Variants in TTN observed in about 807,000 individuals in gnomAD.
TTN encodes titin, also known as connectin.
In TTN, 1,525 loss-of-function variants were observed where a neutral mutation model predicts 3,223.0. The ratio of observed to expected loss-of-function variants is 0.47; its 90% confidence interval spans 0.45 to 0.49. TTN has a LOEUF of 0.49. TTN is among the 20% of genes least tolerant of loss of function. TTN has a pLI of 0.00. For synonymous variants in TTN, 14,094 were observed against 15,161.0 expected (o/e 0.93, Z 5.17); for missense variants, 40,786 against 43,424.0 (o/e 0.94, Z 5.40).
chr2:178,776,307 G>A lies in TTN; in HGVS notation c.5557C>T (p.Leu1853Phe), dbSNP rs778377360. The A allele has an allele frequency of 1.2e-6, 2 of 1,614,036 alleles. No homozygotes were observed. Among genetic ancestry groups the A allele is most frequent in the Non-Finnish European group, 8.5e-7 (1 of 1,179,990 alleles). The stretch of plus-strand genomic sequence containing the variant: ...CGGAACCTTGCAGTCTCCCCTTCAA[G>A]TACTCTAACTGGCTCTGGGTACAAG... ...IVLYPEPVRVLEGETARFRCR... is the reference protein window; with the variant it reads ...IVLYPEPVRVFEGETARFRCR... The change falls in exon 28 of 363, where the codon CTT becomes TTT. Residue 1853 changes from leucine to phenylalanine, a missense_variant. Leu to Phe is a conservative substitution (Grantham distance 22, BLOSUM62 0). Transcript: ENST00000589042.
intron 149 of TTN, chr2:178,675,396 A>T: frequency 2.6e-6 from 1 of 386,420 alleles, no homozygotes; most frequent in Non-Finnish European, 4.5e-6. Context: ...GTATGAAGAA[A>T]TGGGTATTTC....
At position 178,588,630 on chromosome 2, in the gene TTN, T is replaced by C. The variant is rs767798579; in HGVS notation, c.63095A>G (p.His21032Arg). 4 of 1,599,210 alleles carry C rather than the reference T, an allele frequency of 2.5e-6. No individual in the cohort carries two copies. Among genetic ancestry groups the C allele is most frequent in the East Asian group, 2.2e-5 (1 of 44,710 alleles). Residue 21032 changes from histidine (H) to arginine (R), a missense_variant, in exon 304 of 363, where the codon CAT becomes CGT. Physicochemically the swap from His to Arg is conservative, Grantham distance 29 (BLOSUM62 0). Transcript: ENST00000589042. ...RMKVQNLLPD[H>R]EYQFRVKAEN... Reference sequence around the variant, plus strand: ...TGCCTTGACACGGAACTGATATTCATGGTCTGGGAGGAGATTCTGTACTTT... The same window carrying C: ...TGCCTTGACACGGAACTGATATTCACGGTCTGGGAGGAGATTCTGTACTTT...
rs372954191 is a variant in TTN, at chr2:178,574,393, G to A, written c.71739C>T (p.Ser23913=). The change falls in exon 326 of 363, where the codon AGC becomes AGT. Residue 23913 remains serine (S), a synonymous_variant. Coordinates refer to ENST00000589042, the MANE Select transcript of TTN (RefSeq NM_001267550.2). Reference sequence around the variant, plus strand: ...GAGCCAACATAGGTTCTGATGGCTTGCTTGGCTTACTTTTGCCTGCCATGT... The same window carrying A: ...GAGCCAACATAGGTTCTGATGGCTTACTTGGCTTACTTTTGCCTGCCATGT... The part of the protein sequence containing the change: ...AENMAGKSKP[S]KPSEPMLALD... 4 of 1,613,426 alleles carry A rather than the reference G, an allele frequency of 2.5e-6. No homozygotes were observed. The African/African-American group carries it at 4.0e-5, about 16-fold the overall frequency.
chr2:178,709,428 G>A (rs1417634252), intron 99 of TTN, 138 bp downstream of exon 99: 2 of 841,820 alleles, frequency 2.4e-6, no homozygotes, highest in South Asian at 3.1e-5. Flanking sequence ...AACATATGGA[G>A]TGATAAATAC....
intron 147 of TTN, 88 bp from the exon 148 acceptor site, chr2:178,676,083 G>A (rs2068027408): frequency 3.3e-6 from 4 of 1,227,014 alleles, no homozygotes; most frequent in Non-Finnish European, 4.6e-6. Context: ...AAAGACCAAT[G>A]TGTTAACAGT....
chr2:178,607,442 C>T lies in TTN; in HGVS notation c.53246G>A (p.Ser17749Asn), dbSNP rs1553686153. Residue 17749 changes from serine to asparagine, a missense_variant, in exon 277 of 363, where the codon AGC (serine) becomes AAC (asparagine). Coordinates refer to ENST00000589042, the MANE Select transcript of TTN (RefSeq NM_001267550.2). ...HGRYVITATN[S>N]CGSKFAAARV... ...GGCTGCTGCAAATTTGGAACCACAGCTATTTGTAGCTGTAATCACATATCT... is the reference window on the plus strand; with the variant it reads ...GGCTGCTGCAAATTTGGAACCACAGTTATTTGTAGCTGTAATCACATATCT... 6.2e-7 allele frequency: 1 copy of T among 1,613,188 alleles called. No homozygotes were observed. Among genetic ancestry groups the T allele is most frequent in the South Asian group, 1.1e-5 (1 of 91,064 alleles).
chr2:178,760,258 G>A (rs528279773), intron 43 of TTN, among the ~76,000 whole-genome samples: 10 of 152,280 alleles, frequency 6.6e-5, no homozygotes, highest in East Asian at 5.8e-4. Flanking sequence ...CTGGCCAGGC[G>A]CGGTGCTTCA....
chr2:178,781,099 T>C (rs776570763), intron 21 of TTN, 22 bp downstream of exon 21: 1 of 1,613,768 alleles, frequency 6.2e-7, no homozygotes, highest in African/African-American at 1.3e-5. Context: ...ATCATGCACA[T>C]AGAAACTGGA....
In TTN at chr2:178,558,601, C is replaced by T. The variant is rs1183912804; in HGVS notation, c.86858G>A (p.Ser28953Asn). The T allele has an allele frequency of 1.2e-6, 2 of 1,612,720 alleles. No homozygotes were observed. The highest frequency in any genetic ancestry group is 1.7e-6 in the Non-Finnish European group (2 of 1,179,588). Reference protein sequence around the residue: ...PSPPEKLGVTSISKDSVSLTW... With the variant: ...PSPPEKLGVTNISKDSVSLTW... ...CAGGGAAACACTGTCTTTGGATATA[C>T]TTGTTACTCCAAGTTTTTCAGGTGG... Residue 28953 changes from serine to asparagine, a missense_variant, in exon 327 of 363, where the codon AGT becomes AAT. By Grantham distance (46) the Ser-to-Asn change is conservative (BLOSUM62 1). Transcript: ENST00000589042.
chr2:178,637,564 A>T (rs1336113731), intron 223 of TTN, 145 bp from the exon 224 acceptor site: 1 of 408,106 alleles, frequency 2.5e-6, no homozygotes, highest in Non-Finnish European at 4.2e-6. Flanking sequence ...TTCTATGGAT[A>T]ATCACATTTC....
chr2:178,663,718 G>T lies in TTN; in HGVS notation c.36449-8C>A, dbSNP rs189133766. The T allele has an allele frequency of 6.8e-6, 11 of 1,612,826 alleles. No individual in the cohort carries two copies. Among genetic ancestry groups the T allele is most frequent in the Admixed American group, 5.0e-5 (3 of 59,752 alleles). ...CTTTGGGAGGCTCTGGTACTTAAAA[G>T]ATATTAGCAAAATTACATTCAGAAG... is the stretch of plus-strand genomic sequence containing the variant. On this transcript the variant is annotated splice_polypyrimidine_tract_variant and splice_region_variant and intron_variant, in intron 170 of 362. Transcript: ENST00000589042.
intron 92 of TTN, 104 bp from the exon 93 acceptor site, chr2:178,713,476 C>G: frequency 7.0e-7 from 1 of 1,425,294 alleles, no homozygotes. Context: ...TGGACTATCC[C>G]TAGATCCATT....
In TTN at chr2:178,764,718, G is replaced by A; in HGVS notation, c.9797C>T (p.Pro3266Leu). 6.2e-7 allele frequency: 1 copy of A among 1,614,086 alleles called. No individual in the cohort carries two copies. Among genetic ancestry groups the A allele is most frequent in the Non-Finnish European group, 8.5e-7 (1 of 1,179,986 alleles). ...ARFCAVISGRPQPKISWYKEE... is the reference protein window; with the variant it reads ...ARFCAVISGRLQPKISWYKEE... The stretch of plus-strand genomic sequence containing the variant: ...CTTGTACCAGGAAATTTTGGGCTGT[G>A]GTCTTCCGGATATCACGGCACAGAA... Residue 3266 changes from proline to leucine, a missense_variant, in exon 42 of 363, where the codon CCA (proline) becomes CTA (leucine). Physicochemically the swap from Pro to Leu is moderately conservative, Grantham distance 98. Coordinates refer to ENST00000589042, the MANE Select transcript of TTN (RefSeq NM_001267550.2).
intron 16 of TTN, 99 bp downstream of exon 16, chr2:178,783,971 G>C: frequency 6.3e-7 from 1 of 1,590,226 alleles, no homozygotes; most frequent in Non-Finnish European, 8.6e-7. Flanking sequence ...AAAGGAGAAA[G>C]GCAAGACTCC....
Position 178,632,571 on chromosome 2 carries a change from A to T in TTN, c.43435T>A (p.Phe14479Ile), listed in dbSNP as rs1184251114. Reference protein sequence around the residue: ...AAFEDEAKYMFEAEDKHTSGK... With the variant: ...AAFEDEAKYMIEAEDKHTSGK... ...CTTGTGTGCTTATCTTCAGCTTCAAACATGTATTTTGCTTCATCTTCAAAA... is the reference window on the plus strand; with the variant it reads ...CTTGTGTGCTTATCTTCAGCTTCAATCATGTATTTTGCTTCATCTTCAAAA... The change falls in exon 235 of 363, where the codon TTT becomes ATT. Residue 14479 changes from phenylalanine to isoleucine, a missense_variant. Transcript: ENST00000589042. 7 of 1,613,274 alleles carry T rather than the reference A, an allele frequency of 4.3e-6. No individual in the cohort carries two copies. The highest frequency in any genetic ancestry group is 5.1e-6 in the Non-Finnish European group (6 of 1,179,568).
At chr2:178,790,591 G>A (rs1300939265) in intron 11 of TTN, 117 bp downstream of exon 11, 16 of 1,516,872 alleles carry the variant, frequency 1.1e-5, no homozygotes, top group Non-Finnish European at 1.4e-5. Flanking sequence ...TTTTCTATTT[G>A]CATTATAAGA....
rs1448745860 is a variant in TTN, at chr2:178,582,372, G to C, written c.66084C>G (p.Phe22028Leu). Residue 22028 changes from phenylalanine (F) to leucine (L), a missense_variant, in exon 314 of 363, where the codon TTC becomes TTG. Physicochemically the swap from Phe to Leu is conservative, Grantham distance 22. Transcript: ENST00000589042. Reference protein sequence around the residue: ...EKLIEGHEYQFRICAENKYGV... With the variant: ...EKLIEGHEYQLRICAENKYGV... ...CATATTTATTTTCAGCACAAATACG[G>C]AACTGATACTCATGGCCCTCTATAA... The C allele has an allele frequency of 1.2e-6, 2 of 1,612,454 alleles. No individual in the cohort carries two copies. Among genetic ancestry groups the C allele is most frequent in the Non-Finnish European group, 1.7e-6 (2 of 1,179,282 alleles).
In TTN at chr2:178,640,064, T is replaced by A. The variant is rs1271100208; in HGVS notation, c.40770A>T (p.Lys13590Asn). ...PAIPLPAPEP[K>N]PKPEAEVKTI... is the part of the protein sequence containing the mutation. ...CTTGCTCACCTGCTTCGGGCTTTGG[T>A]TTCGGTTCAGGTGCAGGGAGAGGTA... Residue 13590 changes from lysine (K) to asparagine (N), a missense_variant, in exon 222 of 363, where the codon AAA becomes AAT. Coordinates refer to ENST00000589042, the MANE Select transcript of TTN (RefSeq NM_001267550.2). 2 of 1,612,092 alleles carry A rather than the reference T, an allele frequency of 1.2e-6. No individual in the cohort carries two copies. The highest frequency in any genetic ancestry group is 1.7e-6 in the Non-Finnish European group (2 of 1,178,780).
chr2:178,605,092 C>T lies in TTN; in HGVS notation c.54085G>A (p.Glu18029Lys). 1 of 1,612,730 alleles carries T rather than the reference C, an allele frequency of 6.2e-7. No individual in the cohort carries two copies. The highest frequency in any genetic ancestry group is 8.5e-7 in the Non-Finnish European group (1 of 1,179,174). Residue 18029 changes from glutamate (E) to lysine (K), a missense_variant, in exon 280 of 363, where the codon GAG becomes AAG. Glu to Lys is a moderately conservative substitution (Grantham distance 56). Transcript: ENST00000589042. Reference sequence around the variant, plus strand: ...CGGACCGCTTTGGGAATGCTAAGCTCAGTTTTTGCCTCACTTCGGGATACC... The same window carrying T: ...CGGACCGCTTTGGGAATGCTAAGCTTAGTTTTTGCCTCACTTCGGGATACC... ...EEVSRSEAKT[E>K]LSIPKAVRED...
Sources: gnomAD v4.1 joint callset for allele counts (sites outside exome capture counted in the v4.1 genomes callset) on GRCh38, gnomAD v4.1.1 for gene constraint, MANE v1.5 for transcripts, NCBI Gene and HGNC (gene_info 2026-07-23, HGNC 2026-07-21) for gene names.